The following GOLM2 variants were observed in gnomAD, a reference collection of about 807,000 sequenced individuals.
GOLM2 encodes the protein golgi membrane protein 2, also known as protein GOLM2.
GOLM2 carries 26 observed loss-of-function variants against 55.9 expected under a neutral mutation model. The observed-to-expected ratio is 0.47, with a 90% CI of 0.34 to 0.65. The LOEUF (loss-of-function observed/expected upper bound fraction) is 0.65, where lower values mean the gene tolerates loss of function less well. GOLM2 is among the 30% of genes least tolerant of loss of function. The pLI, the probability that GOLM2 is intolerant of heterozygous loss-of-function variation, is 0.01. For missense variants in GOLM2, 486 were observed against 531.8 expected (o/e 0.91, Z 0.85); for synonymous variants, 165 against 194.6 (o/e 0.85, Z 1.27).
chr15:44,289,255 A>G lies in GOLM2; in HGVS notation c.226A>G (p.Thr76Ala), dbSNP rs772921889. The change falls in exon 1 of 10, where the codon ACG becomes GCG. Residue 76 changes from threonine (T) to alanine (A), a missense_variant. Thr to Ala is a moderately conservative substitution (Grantham distance 58, BLOSUM62 0). Transcript: ENST00000299957. The surrounding 1 kb of genome is among the most constrained non-coding windows in gnomAD (Gnocchi z 4.8). Reference protein sequence around the residue: ...RNSDLLLLVDTHKKQIDQKEA... With the variant: ...RNSDLLLLVDAHKKQIDQKEA... ...TTCGGACCTCTTGCTGTTGGTGGAC[A>G]CGCACAAGAAACAGATCGACCAGAA... is the stretch of plus-strand genomic sequence containing the variant. 41 of 1,614,116 alleles carry G rather than the reference A, an allele frequency of 2.5e-5. No homozygotes were observed. In the East Asian group the frequency reaches 3.6e-4, roughly 14 times the overall value.
At chr15:44,382,348 CCCAGG>C (rs1363615099) in intron 8 of GOLM2, 1 of 151,630 alleles carries the variant, frequency 6.6e-6, no homozygotes, top group Non-Finnish European at 1.5e-5. Flanking sequence ...CACTCTGTCA[CCCAGG>C]CCAGGAGTGC....
intron 6 of GOLM2, among the ~76,000 whole-genome samples, chr15:44,350,669 G>A (rs1369402970): frequency 6.6e-6 from 1 of 152,042 alleles, no homozygotes; most frequent in African/African-American, 2.4e-5. Context: ...GACACATCAA[G>A]GAAAAAGAAA....
At chr15:44,309,291 A>G (rs1361464460) in intron 1 of GOLM2, among the ~76,000 whole-genome samples, 3 of 152,198 alleles carry the variant, frequency 2.0e-5, no homozygotes, top group Non-Finnish European at 4.4e-5. Context: ...CATATATTTA[A>G]AGGAAGGCTA....
intron 6 of GOLM2, among the ~76,000 whole-genome samples, chr15:44,348,287 G>A (rs1419562577): frequency 6.6e-6 from 1 of 151,004 alleles, no homozygotes; most frequent in Non-Finnish European, 1.5e-5. Flanking sequence ...TGGTAGTTCT[G>A]GACCTACACT....
intron 6 of GOLM2, among the ~76,000 whole-genome samples, chr15:44,369,206 A>ATATG (rs1253084573): frequency 1.1e-4 from 12 of 110,192 alleles, no homozygotes; most frequent in African/African-American, 3.6e-4. Flanking sequence ...ATATATATAT[A>ATATG]TGTGTGTGTG....
At chr15:44,401,113 A>G (rs530501783) in intron 8 of GOLM2, among the ~76,000 whole-genome samples, 1 of 152,034 alleles carries the variant, frequency 6.6e-6, no homozygotes, top group African/African-American at 2.4e-5. Flanking sequence ...TTATTTATTT[A>G]TCTATGTATT....
At chr15:44,398,135 AACTC>A (rs1490691625) in intron 8 of GOLM2, among the ~76,000 whole-genome samples, 1 of 152,196 alleles carries the variant, frequency 6.6e-6, no homozygotes, top group East Asian at 1.9e-4. Context: ...ATAATGTTCA[AACTC>A]ACTCTATCAA....
In GOLM2 at chr15:44,403,034, G is replaced by A; in HGVS notation, c.1220G>A (p.Gly407Asp). ...LAYNEEEDGDGGEEDVQDDEE... is the reference protein window; with the variant it reads ...LAYNEEEDGDDGEEDVQDDEE... ...TACAATGAGGAAGAAGATGGTGATGGTGGAGAGGAAGACGTCCAAGGTGAG... is the reference window on the plus strand; with the variant it reads ...TACAATGAGGAAGAAGATGGTGATGATGGAGAGGAAGACGTCCAAGGTGAG... Residue 407 changes from glycine to aspartate, a missense_variant, in exon 9 of 10, where the codon GGT becomes GAT. By Grantham distance (94) the Gly-to-Asp change is moderately conservative. Coordinates refer to ENST00000299957, the MANE Select transcript of GOLM2 (RefSeq NM_138423.4). The A allele has an allele frequency of 6.2e-7, 1 of 1,614,130 alleles. No individual in the cohort carries two copies. The highest frequency in any genetic ancestry group is 8.5e-7 in the Non-Finnish European group (1 of 1,180,026).
Position 44,413,398 on chromosome 15 carries a change from G to A in GOLM2, c.1303G>A (p.Val435Ile). The A allele has an allele frequency of 6.2e-7, 1 of 1,607,220 alleles. No individual in the cohort carries two copies. Among genetic ancestry groups the A allele is most frequent in the Non-Finnish European group, 8.5e-7 (1 of 1,176,298 alleles). ...CTATGGAAAGCAACATTTCAATGAT[G>A]TCCTTTAAGTCCTAAAGGAATGCTT... Reference protein sequence around the residue: ...ADYGKQHFNDVL With the variant: ...ADYGKQHFNDIL Residue 435 changes from valine (V) to isoleucine (I), a missense_variant, in exon 10 of 10, where the codon GTC becomes ATC. Transcript: ENST00000299957.
chr15:44,310,853 C>T (rs140928783), intron 1 of GOLM2, among the ~76,000 whole-genome samples: 35 of 152,192 alleles, frequency 2.3e-4, no homozygotes, highest in African/African-American at 8.4e-4. Context: ...CCCATATCTA[C>T]TAAAAATACA....
chr15:44,381,017 T>G, intron 8 of GOLM2, 41 bp downstream of exon 8: 2 of 1,275,816 alleles, frequency 1.6e-6, no homozygotes, highest in Admixed American at 2.4e-5. Context: ...AAATATTTCT[T>G]TAAATGTAAT....
At chr15:44,327,501 T>C (rs1463775210) in intron 2 of GOLM2, among the ~76,000 whole-genome samples, 1 of 152,020 alleles carries the variant, frequency 6.6e-6, no homozygotes, top group Non-Finnish European at 1.5e-5. Flanking sequence ...TCTGTAACCC[T>C]TCTGTAAAAA....
At chr15:44,410,309 C>T (rs1157305931) in intron 9 of GOLM2, among the ~76,000 whole-genome samples, 1 of 151,790 alleles carries the variant, frequency 6.6e-6, no homozygotes, top group Non-Finnish European at 1.5e-5. Context: ...GGCGTGGTGG[C>T]GGGCGCCTGT....
At chr15:44,380,153 G>A (rs1241053455) in intron 7 of GOLM2, among the ~76,000 whole-genome samples, 2 of 152,008 alleles carry the variant, frequency 1.3e-5, no homozygotes, top group Non-Finnish European at 2.9e-5. Flanking sequence ...TCGTACTTAT[G>A]AATGTATTTG....
intron 8 of GOLM2, among the ~76,000 whole-genome samples, chr15:44,385,638 C>T (rs1240935783): frequency 6.6e-6 from 1 of 152,152 alleles, no homozygotes; most frequent in Non-Finnish European, 1.5e-5. Context: ...CCTCAAACTC[C>T]TAGGCTCAAG....
intron 6 of GOLM2, among the ~76,000 whole-genome samples, chr15:44,340,602 C>A (rs2079084936): frequency 6.6e-6 from 1 of 152,146 alleles, no homozygotes; most frequent in Non-Finnish European, 1.5e-5. Context: ...TCAGCAGTGT[C>A]AGCATTACCC....
At chr15:44,298,219 C>T (rs968073969) in intron 1 of GOLM2, among the ~76,000 whole-genome samples, 3 of 151,470 alleles carry the variant, frequency 2.0e-5, no homozygotes, top group African/African-American at 7.3e-5. Context: ...CTATGAAGCC[C>T]CCTGGGACTT....
chr15:44,300,561 A>G (rs577167415), intron 1 of GOLM2, among the ~76,000 whole-genome samples: 1 of 152,330 alleles, frequency 6.6e-6, no homozygotes, highest in East Asian at 1.9e-4. Context: ...AGGTAAAAGG[A>G]CATTCAAGGA....
chr15:44,401,296 A>T (rs1005711443), intron 8 of GOLM2, among the ~76,000 whole-genome samples: 2 of 150,868 alleles, frequency 1.3e-5, no homozygotes, highest in Admixed American at 6.6e-5. Context: ...ACGAGGTCTC[A>T]CTCTGTCACC....
Sources: allele counts gnomAD v4.1 joint callset (sites outside exome capture counted in the v4.1 genomes callset), GRCh38; gene constraint gnomAD v4.1.1; non-coding constraint Gnocchi (gnomAD v3.1); transcripts MANE v1.5; gene names NCBI Gene and HGNC (gene_info 2026-07-23, HGNC 2026-07-21).